Variants in LRBA observed in about 807,000 individuals in gnomAD.
LRBA encodes LPS responsive beige-like anchor protein.
Under a neutral mutation model 330.0 loss-of-function variants are expected in LRBA, and 176 were observed. The ratio of observed to expected loss-of-function variants is 0.53; its 90% CI spans 0.47 to 0.60. The LOEUF (loss-of-function observed/expected upper bound fraction) is 0.60, where lower values mean the gene tolerates loss of function less well. Among genes scored for constraint, LRBA ranks in the 20% least tolerant of loss-of-function variants. The pLI, the probability that LRBA is intolerant of heterozygous loss-of-function variation, is 0.00. For missense variants in LRBA, 3,259 were observed against 3,444.8 expected (o/e 0.95, Z 1.35); for synonymous variants, 1,230 against 1,193.0 (o/e 1.03, Z -0.64).
At chr4:150,595,948 A>G (rs1773440582) in intron 38 of LRBA, among the ~76,000 whole-genome samples, 2 of 152,110 alleles carry the variant, frequency 1.3e-5, no homozygotes, top group East Asian at 3.9e-4. Flanking sequence ...AAAATGGAAG[A>G]AAATGCCCTC....
intron 40 of LRBA, among the ~76,000 whole-genome samples, chr4:150,565,071 T>C (rs903910507): frequency 6.6e-5 from 10 of 152,150 alleles, no homozygotes; most frequent in South Asian, 2.1e-4. Context: ...ATGTTTATTG[T>C]AGCTATGTAC....
rs372046132 is a variant in LRBA at position 150,392,015 on chromosome 4, T to A, written c.7194+23423A>T. ...AAAAAAAAACTTTACAAAATTTTTC[T>A]TACTGAAACATCTGCCTTTCTATTG... On this transcript the variant is annotated intron_variant, in intron 47 of 56. Transcript: ENST00000651943. Among the ~76,000 whole-genome samples, 10 of 151,618 alleles carry A rather than the reference T, an allele frequency of 6.6e-5. No homozygotes were observed. The East Asian group carries it at 1.4e-3, about 21-fold the overall frequency.
Position 150,832,455 on chromosome 4 carries a change from G to A in LRBA, c.4570-479C>T, listed in dbSNP as rs933498543. ...TACTAAAAATACAAAAATTAGCCAGGTGTGGTGGCACATGCCTGTAATCCC... is the reference window on the plus strand; with the variant it reads ...TACTAAAAATACAAAAATTAGCCAGATGTGGTGGCACATGCCTGTAATCCC... On this transcript the variant is annotated intron_variant, in intron 28 of 56. Transcript: ENST00000651943. 3.3e-5 allele frequency among the ~76,000 whole-genome samples: 5 copies of A among 152,224 alleles called. No individual in the cohort carries two copies. In the East Asian group the frequency reaches 9.7e-4, roughly 29 times the overall value.
intron 2 of LRBA, among the ~76,000 whole-genome samples, chr4:151,008,644 T>A (rs1229721661): frequency 4.6e-5 from 7 of 151,780 alleles, no homozygotes; most frequent in Non-Finnish European, 1.0e-4. Context: ...CTCATGTTAT[T>A]CAAGAGTCAA....
At chr4:150,444,197 A>G (rs1322130642) in intron 44 of LRBA, among the ~76,000 whole-genome samples, 1 of 152,036 alleles carries the variant, frequency 6.6e-6, no homozygotes, top group African/African-American at 2.4e-5. Flanking sequence ...TGTTGTCACC[A>G]AAGTTTATTG....
chr4:150,275,787 T>G (rs1311595812), intron 56 of LRBA, among the ~76,000 whole-genome samples: 1 of 152,004 alleles, frequency 6.6e-6, no homozygotes, highest in Non-Finnish European at 1.5e-5. Context: ...AGGACACAAA[T>G]AAGTGGAAAA....
At chr4:150,680,605 A>C (rs1782968269) in intron 37 of LRBA, among the ~76,000 whole-genome samples, 1 of 152,240 alleles carries the variant, frequency 6.6e-6, no homozygotes, top group Admixed American at 6.5e-5. Context: ...AATGGCTATA[A>C]TCATCATTGT....
intron 40 of LRBA, chr4:150,584,171 G>A: frequency 1.4e-6 from 2 of 1,445,696 alleles, no homozygotes; most frequent in Middle Eastern, 1.9e-4. Flanking sequence ...ACACAACTCT[G>A]CTATAAACAG....
intron 22 of LRBA, among the ~76,000 whole-genome samples, chr4:150,863,259 C>T (rs923406493): frequency 6.6e-6 from 1 of 152,210 alleles, no homozygotes; most frequent in African/African-American, 2.4e-5. Flanking sequence ...GAGCACACCA[C>T]TACACTTCAC....
At chr4:150,761,701 G>A (rs541718578) in intron 35 of LRBA, 82 bp downstream of exon 35, 17 of 801,918 alleles carry the variant, frequency 2.1e-5, no homozygotes, top group Non-Finnish European at 3.2e-5. Context: ...AGTAAATACA[G>A]AACCCAAAAA....
chr4:150,668,988 T>A (rs1781814441), intron 37 of LRBA, among the ~76,000 whole-genome samples: 1 of 152,172 alleles, frequency 6.6e-6, no homozygotes, highest in African/African-American at 2.4e-5. Flanking sequence ...CGCCCTGGTC[T>A]TAAATCCCAG....
intron 2 of LRBA, among the ~76,000 whole-genome samples, chr4:150,988,624 G>C (rs1463841601): frequency 6.6e-6 from 1 of 152,022 alleles, no homozygotes; most frequent in East Asian, 1.9e-4. Flanking sequence ...CTGTCACCAG[G>C]CTGGAGTGCA....
chr4:150,852,564 T>C lies in LRBA; in HGVS notation c.3146A>G (p.Glu1049Gly). ...AGCTTCTATTATGTCAGAAGATACT[T>C]CTAAATCATCTGCATTCCTTGTCTC... Reference protein sequence around the residue: ...TNETRNADDLEVSSDIIEAVA... With the variant: ...TNETRNADDLGVSSDIIEAVA... The change falls in exon 23 of 57, where the codon GAA (glutamate) becomes GGA (glycine). Residue 1049 changes from glutamate to glycine, a missense_variant. By Grantham distance (98) the Glu-to-Gly change is moderately conservative. Transcript: ENST00000651943. 1 of 1,613,956 alleles carries C rather than the reference T, an allele frequency of 6.2e-7. No homozygotes were observed. The highest frequency in any genetic ancestry group is 8.5e-7 in the Non-Finnish European group (1 of 1,179,988).
chr4:150,675,867 T>G (rs905065354), intron 37 of LRBA, among the ~76,000 whole-genome samples: 7 of 152,306 alleles, frequency 4.6e-5, no homozygotes, highest in African/African-American at 1.7e-4. Context: ...AGCCTAGATA[T>G]TAACATATAA....
chr4:150,378,528 A>T (rs919709497), intron 47 of LRBA, among the ~76,000 whole-genome samples: 39 of 152,346 alleles, frequency 2.6e-4, no homozygotes, highest in African/African-American at 8.7e-4. Context: ...CAATTTTCTT[A>T]AAAGGAAGTC....
intron 34 of LRBA, among the ~76,000 whole-genome samples, chr4:150,775,651 A>G (rs1162394118): frequency 6.6e-6 from 1 of 152,096 alleles, no homozygotes; most frequent in Non-Finnish European, 1.5e-5. Context: ...TTTCCAAGCA[A>G]AACAATTGAA....
At chr4:150,375,070 G>A (rs1741044921) in intron 47 of LRBA, among the ~76,000 whole-genome samples, 1 of 53,854 alleles carries the variant, frequency 1.9e-5, no homozygotes, top group Admixed American at 2.4e-4. Context: ...TAACCCATAA[G>A]CCTGTAAGAG....
intron 46 of LRBA, among the ~76,000 whole-genome samples, chr4:150,429,769 A>G (rs376898481): frequency 6.6e-6 from 1 of 152,088 alleles, no homozygotes. Flanking sequence ...AATTTTGTTT[A>G]TATCTTACTA....
chr4:150,942,927 T>C (rs1161060937), intron 2 of LRBA, among the ~76,000 whole-genome samples: 1 of 152,168 alleles, frequency 6.6e-6, no homozygotes, highest in East Asian at 1.9e-4. Context: ...AACTTTACTA[T>C]CTATACAAAA....
Sources: allele counts gnomAD v4.1 joint callset (sites outside exome capture counted in the v4.1 genomes callset), GRCh38; gene constraint gnomAD v4.1.1; transcripts MANE v1.5; gene names NCBI Gene and HGNC (gene_info 2026-07-23, HGNC 2026-07-21).